The following GNPAT variants were observed in gnomAD, a reference collection of about 807,000 sequenced individuals.
GNPAT encodes glyceronephosphate O-acyltransferase, also known as dihydroxyacetone phosphate acyltransferase.
Under a neutral mutation model 78.4 loss-of-function variants are expected in GNPAT, and 30 were observed. The observed-to-expected ratio is 0.38, with a 90% CI of 0.29 to 0.52. GNPAT has a LOEUF of 0.52. GNPAT is among the 20% of genes least tolerant of loss of function. The pLI is 0.84. For synonymous variants in GNPAT, 271 were observed against 281.1 expected, an observed-to-expected ratio of 0.96 and a Z score of 0.36; for missense variants, 714 against 812.2, an observed-to-expected ratio of 0.88 and a Z score of 1.47.
intron 3 of GNPAT, among the ~76,000 whole-genome samples, chr1:231,262,042 C>T (rs536706486): frequency 2.4e-4 from 36 of 151,940 alleles, no homozygotes; most frequent in Admixed American, 6.6e-5. Context: ...ATTTAGATTT[C>T]AAAAAAACAG....
At position 231,251,133 on chromosome 1, in the gene GNPAT, T is replaced by C; in HGVS notation, c.251T>C (p.Val84Ala). 1.3e-6 allele frequency: 2 copies of C among 1,568,342 alleles called. No individual in the cohort carries two copies. Among genetic ancestry groups the C allele is most frequent in the Non-Finnish European group, 1.7e-6 (2 of 1,145,140 alleles). Reference sequence around the variant, plus strand: ...CTCAATTCTGAGGAGATTCATTATGTCATTAAACAGGTAAGTGATTCCCTC... The same window carrying C: ...CTCAATTCTGAGGAGATTCATTATGCCATTAAACAGGTAAGTGATTCCCTC... ...SVLNSEEIHY[V>A]IKQLSKESLQ... Residue 84 changes from valine (V) to alanine (A), a missense_variant, in exon 2 of 16, where the codon GTC becomes GCC. Val to Ala is a moderately conservative substitution (Grantham distance 64). Coordinates refer to ENST00000366647, the MANE Select transcript of GNPAT (RefSeq NM_014236.4).
rs1441656778 is a variant in GNPAT at position 231,277,623 on chromosome 1, G to A, written c.*81G>A. 5 of 843,540 alleles carry A rather than the reference G, an allele frequency of 5.9e-6. No homozygotes were observed. Among genetic ancestry groups the A allele is most frequent in the African/African-American group, 5.0e-5 (3 of 60,222 alleles). 52.3% of individuals were successfully genotyped at this position (843,540 alleles called of 1,614,324 possible). Reference sequence around the variant, plus strand: ...TCATTACAACAAACAGGGAAGTAAAGGAAGAGACACATCCTCTCATACTCC... The same window carrying A: ...TCATTACAACAAACAGGGAAGTAAAAGAAGAGACACATCCTCTCATACTCC... On this transcript the variant is annotated 3_prime_UTR_variant, in exon 16 of 16. Transcript: ENST00000366647.
chr1:231,254,670 G>A (rs1420102112), intron 2 of GNPAT, among the ~76,000 whole-genome samples: 2 of 150,598 alleles, frequency 1.3e-5, no homozygotes, highest in Non-Finnish European at 3.0e-5. Context: ...GGATGGTCTT[G>A]ATCTCCTGAC....
chr1:231,254,689 C>T (rs939450055), intron 2 of GNPAT, among the ~76,000 whole-genome samples: 5 of 151,554 alleles, frequency 3.3e-5, no homozygotes, highest in Non-Finnish European at 7.4e-5. Context: ...ACCTCGTGAT[C>T]CACCCGCCTT....
chr1:231,242,786 A>G (rs1189893778), intron 1 of GNPAT, among the ~76,000 whole-genome samples: 1 of 152,162 alleles, frequency 6.6e-6, no homozygotes, highest in South Asian at 2.1e-4. Flanking sequence ...CCCTTTACCA[A>G]CGGTTCTTTA....
Position 231,275,409 on chromosome 1 carries a change from C to T in GNPAT, c.1848C>T (p.Thr616=), listed in dbSNP as rs1685683878. ...CTTCCTCACCCCCAATTTTAGGTAC[C>T]TCTCAATGTTATGATGTATTATCTT... The part of the protein sequence containing the change: ...KFTSQLLDQG[T]SQCYDVLSSD... Residue 616 remains threonine (T), a synonymous_variant, in exon 14 of 16, where the codon ACC becomes ACT. Transcript: ENST00000366647. The T allele has an allele frequency of 6.2e-7, 1 of 1,606,132 alleles. No homozygotes were observed. Among genetic ancestry groups the T allele is most frequent in the Non-Finnish European group, 8.5e-7 (1 of 1,172,768 alleles).
chr1:231,253,938 G>C (rs542230695), intron 2 of GNPAT, among the ~76,000 whole-genome samples: 1 of 152,142 alleles, frequency 6.6e-6, no homozygotes, highest in South Asian at 2.1e-4. Context: ...TCTCTCTCCC[G>C]AGTAGCTGGG....
chr1:231,250,036 A>G (rs1027974873), intron 1 of GNPAT, among the ~76,000 whole-genome samples: 2 of 151,600 alleles, frequency 1.3e-5, no homozygotes, highest in African/African-American at 4.8e-5. Flanking sequence ...TGCTTGAGCC[A>G]GGAGTTTGAG....
intron 1 of GNPAT, among the ~76,000 whole-genome samples, chr1:231,244,038 A>T (rs778574814): frequency 5.3e-5 from 8 of 152,050 alleles, no homozygotes; most frequent in Non-Finnish European, 8.8e-5. Flanking sequence ...CATCCCAAGT[A>T]GCTGGGATTA....
intron 2 of GNPAT, among the ~76,000 whole-genome samples, chr1:231,253,014 G>T (rs1046135316): frequency 3.3e-5 from 5 of 152,102 alleles, no homozygotes; most frequent in Admixed American, 6.6e-5. Flanking sequence ...TGTTGCCCAG[G>T]CTGGAGTGCA....
At position 231,266,031 on chromosome 1, in the gene GNPAT, A is replaced by T. The variant is rs778411619; in HGVS notation, c.790A>T (p.Met264Leu). Reference protein sequence around the residue: ...TPKFGLLNIVMEPFFKREVFD... With the variant: ...TPKFGLLNIVLEPFFKREVFD... The stretch of plus-strand genomic sequence containing the variant: ...TTTTGCAGGTCTTCTGAATATTGTG[A>T]TGGAGCCATTTTTTAAAAGAGAAGT... Residue 264 changes from methionine to leucine, a missense_variant, in exon 7 of 16, where the codon ATG becomes TTG. Physicochemically the swap from Met to Leu is conservative, Grantham distance 15. Transcript: ENST00000366647. The T allele has an allele frequency of 8.1e-6, 13 of 1,612,642 alleles. No individual in the cohort carries two copies. The East Asian group carries it at 2.9e-4, about 36-fold the overall frequency.
chr1:231,248,129 A>G (rs1446186082), intron 1 of GNPAT, among the ~76,000 whole-genome samples: 2 of 152,206 alleles, frequency 1.3e-5, no homozygotes, highest in Non-Finnish European at 2.9e-5. Context: ...AAAATTCACA[A>G]TAACTCTTGA....
intron 15 of GNPAT, among the ~76,000 whole-genome samples, chr1:231,276,933 C>T (rs748856050): frequency 2.0e-5 from 3 of 152,076 alleles, no homozygotes; most frequent in East Asian, 1.9e-4. Flanking sequence ...TTCAGTACCT[C>T]GTCAAACCTG....
Position 231,267,830 on chromosome 1 carries a change from T to C in GNPAT, c.1206T>C (p.Phe402=). 1 of 1,614,050 alleles carries C rather than the reference T, an allele frequency of 6.2e-7. No individual in the cohort carries two copies. The highest frequency in any genetic ancestry group is 8.5e-7 in the Non-Finnish European group (1 of 1,179,884). ...VLLQNRPSMD[F]DALVEKTLWL... is the part of the protein sequence containing the mutation. The stretch of plus-strand genomic sequence containing the variant: ...TTCAGAACCGGCCATCCATGGACTT[T>C]GATGCTCTGGTGGAAAAGACTTTAT... Residue 402 remains phenylalanine, a synonymous_variant, in exon 9 of 16, where the codon TTT becomes TTC. Transcript: ENST00000366647.
chr1:231,274,125 C>A (rs2102827002), intron 12 of GNPAT, 63 bp downstream of exon 12: 1 of 1,414,598 alleles, frequency 7.1e-7, no homozygotes, highest in South Asian at 1.2e-5. Flanking sequence ...GACATTCTCA[C>A]CCTGTGCTTA....
At chr1:231,274,125 C>T in intron 12 of GNPAT, 63 bp downstream of exon 12, 1 of 1,414,598 alleles carries the variant, frequency 7.1e-7, no homozygotes, top group South Asian at 1.2e-5. Flanking sequence ...GACATTCTCA[C>T]CCTGTGCTTA....
intron 2 of GNPAT, among the ~76,000 whole-genome samples, chr1:231,253,956 G>T (rs1413641944): frequency 6.6e-6 from 1 of 152,164 alleles, no homozygotes; most frequent in African/African-American, 2.4e-5. Context: ...GGGATTACAG[G>T]CGCCTGCCAC....
chr1:231,260,656 G>T lies in GNPAT; in HGVS notation c.411G>T (p.Val137=). 1 of 1,610,690 alleles carries T rather than the reference G, an allele frequency of 6.2e-7. No individual in the cohort carries two copies. The highest frequency in any genetic ancestry group is 8.5e-7 in the Non-Finnish European group (1 of 1,177,200). ...TATTTAAACAAATTTTCTCGAAGGT[G>T]TGTGTAAATGAAGAAGGTATTCAGA... ...SKVFKQIFSK[V]CVNEEGIQKL... Residue 137 remains valine (V), a synonymous_variant, in exon 3 of 16, where the codon GTG becomes GTT. Transcript: ENST00000366647.
chr1:231,247,062 G>T (rs945337109), intron 1 of GNPAT, among the ~76,000 whole-genome samples: 3 of 152,128 alleles, frequency 2.0e-5, no homozygotes, highest in African/African-American at 7.2e-5. Context: ...CCAGCCGCTC[G>T]GCAGGCTGAG....
Sources: gnomAD v4.1 joint callset for allele counts (sites outside exome capture counted in the v4.1 genomes callset) on GRCh38, gnomAD v4.1.1 for gene constraint, MANE v1.5 for transcripts, NCBI Gene and HGNC (gene_info 2026-07-23, HGNC 2026-07-21) for gene names.